GSK3B: variants seen among roughly 807,000 people sequenced by gnomAD.
The protein encoded by GSK3B is glycogen synthase kinase-3 beta.
GSK3B carries 15 observed loss-of-function variants against 56.4 expected under a neutral mutation model. The ratio of observed to expected loss-of-function variants is 0.27; its 90% CI spans 0.18 to 0.41. The LOEUF (loss-of-function observed/expected upper bound fraction) is 0.41, where lower values mean the gene tolerates loss of function less well. Among genes scored for constraint, GSK3B ranks in the 10% least tolerant of loss-of-function variants. The pLI, the probability that GSK3B is intolerant of heterozygous loss-of-function variation, is 1.00. For missense variants in GSK3B, 300 were observed against 513.4 expected, an observed-to-expected ratio of 0.58 and a Z score of 4.02; for synonymous variants, 181 against 188.9, an observed-to-expected ratio of 0.96 and a Z score of 0.34.
chr3:119,976,704 A>C (rs2057410890), intron 2 of GSK3B, among the ~76,000 whole-genome samples: 2 of 151,312 alleles, frequency 1.3e-5, no homozygotes, highest in African/African-American at 4.9e-5. Context: ...TATACATCAC[A>C]TTAATTATAT....
rs1200344952 is a variant in GSK3B at position 119,826,473 on chromosome 3, T to C, written c.*315A>G. ...AGGCAGGAGTCCTGTTTTTAAAGTA[T>C]ACAACAGCAGACTTTTAATAAAAAA... On this transcript the variant is annotated 3_prime_UTR_variant, in exon 11 of 11. Transcript: ENST00000264235. The C allele has an allele frequency of 4.1e-6, 2 of 492,568 alleles. No homozygotes were observed. The highest frequency in any genetic ancestry group is 7.4e-6 in the Non-Finnish European group (2 of 270,686). 30.5% of individuals were successfully genotyped at this position (492,568 alleles called of 1,614,324 possible).
At chr3:120,017,648 A>AG (rs111356312) in intron 1 of GSK3B, among the ~76,000 whole-genome samples, 3,944 of 152,276 alleles carry the variant, frequency 0.026, 174 homozygotes, top group African/African-American at 0.089. Flanking sequence ...AACAGTAGGG[A>AG]GGGGAGGAGA....
intron 1 of GSK3B, among the ~76,000 whole-genome samples, chr3:120,077,935 AT>A (rs368829437): frequency 0.016 from 2,407 of 151,952 alleles, 62 homozygotes; most frequent in African/African-American, 0.055. Context: ...AAAAAAATAT[AT>A]TTTTTTTAAC....
chr3:120,012,051 G>C (rs1341981838), intron 1 of GSK3B, among the ~76,000 whole-genome samples: 4 of 152,156 alleles, frequency 2.6e-5, no homozygotes, highest in Admixed American at 2.6e-4. Flanking sequence ...TAGGAAGTAA[G>C]AGAATAAATC....
chr3:119,846,949 T>C (rs981243854), intron 9 of GSK3B, among the ~76,000 whole-genome samples: 5 of 152,218 alleles, frequency 3.3e-5, no homozygotes, highest in South Asian at 2.1e-4. Flanking sequence ...CAGAATATTA[T>C]GCAGCCATAA....
chr3:119,879,172 CTTTG>C (rs950834938), intron 7 of GSK3B, among the ~76,000 whole-genome samples: 3 of 152,028 alleles, frequency 2.0e-5, no homozygotes, highest in East Asian at 3.9e-4. Flanking sequence ...AGCATTTGTC[CTTTG>C]TTTATTTATA....
At chr3:119,967,390 T>A (rs78812449) in intron 2 of GSK3B, among the ~76,000 whole-genome samples, 16,044 of 151,862 alleles carry the variant, frequency 0.11, 945 homozygotes, top group African/African-American at 0.17. Context: ...ATCTTTTTTT[T>A]AAAAAAAAGA....
intron 3 of GSK3B, among the ~76,000 whole-genome samples, chr3:119,945,434 C>A (rs1260962290): frequency 6.6e-6 from 1 of 151,930 alleles, no homozygotes. Context: ...TCTGTAAGAA[C>A]CTTTAAGATA....
At chr3:119,919,593 A>C (rs1411655467) in intron 4 of GSK3B, among the ~76,000 whole-genome samples, 1 of 151,988 alleles carries the variant, frequency 6.6e-6, no homozygotes, top group African/African-American at 2.4e-5. Flanking sequence ...AAGGAGTGCT[A>C]GATTTCTCTC....
At chr3:119,945,621 G>A (rs750245100) in intron 3 of GSK3B, among the ~76,000 whole-genome samples, 1 of 152,106 alleles carries the variant, frequency 6.6e-6, no homozygotes, top group African/African-American at 2.4e-5. Flanking sequence ...GCATTCAAAC[G>A]GTTTGATAGT....
intron 2 of GSK3B, among the ~76,000 whole-genome samples, chr3:119,950,712 G>A (rs1304342766): frequency 6.6e-6 from 1 of 152,176 alleles, no homozygotes; most frequent in Non-Finnish European, 1.5e-5. Context: ...GTACACTGAA[G>A]AAAACAATCA....
At chr3:119,850,052 T>C (rs1228011467) in intron 9 of GSK3B, among the ~76,000 whole-genome samples, 3 of 49,306 alleles carry the variant, frequency 6.1e-5, no homozygotes, top group Non-Finnish European at 1.9e-4. Flanking sequence ...AATCTATAGA[T>C]GTATGTATGT....
chr3:119,877,619 C>T (rs956378780), intron 7 of GSK3B, among the ~76,000 whole-genome samples: 1 of 152,094 alleles, frequency 6.6e-6, no homozygotes, highest in Admixed American at 6.6e-5. Context: ...TTCATTCAGT[C>T]GTTGAATAGT....
At chr3:119,904,763 T>C (rs1187782660) in intron 7 of GSK3B, among the ~76,000 whole-genome samples, 1 of 152,146 alleles carries the variant, frequency 6.6e-6, no homozygotes, top group Non-Finnish European at 1.5e-5. Flanking sequence ...AGAAAACCAT[T>C]TGTTAGGAAT....
intron 2 of GSK3B, among the ~76,000 whole-genome samples, chr3:119,982,013 A>G (rs1036217164): frequency 6.6e-6 from 1 of 152,186 alleles, no homozygotes; most frequent in African/African-American, 2.4e-5. Context: ...TCAGGCAGCA[A>G]TATTTGCTGT....
chr3:119,967,841 TC>T (rs1221385989), intron 2 of GSK3B, among the ~76,000 whole-genome samples: 5 of 81,492 alleles, frequency 6.1e-5, no homozygotes, highest in African/African-American at 4.5e-4. Flanking sequence ...TCTTTCTCTC[TC>T]TCTCTCTCTC....
At chr3:119,931,053 C>A (rs73175863) in intron 3 of GSK3B, among the ~76,000 whole-genome samples, 13,915 of 152,268 alleles carry the variant, frequency 0.091, 782 homozygotes, top group Non-Finnish European at 0.12. Context: ...CAGGGAATAA[C>A]CCCGAGGGGA....
intron 1 of GSK3B, among the ~76,000 whole-genome samples, chr3:120,050,921 G>C (rs575946816): frequency 6.6e-6 from 1 of 152,090 alleles, no homozygotes; most frequent in African/African-American, 2.4e-5. Flanking sequence ...ACACTTAAAC[G>C]GGGTAGGTGG....
intron 2 of GSK3B, among the ~76,000 whole-genome samples, chr3:119,970,038 G>C (rs1248581080): frequency 6.6e-6 from 1 of 152,186 alleles, no homozygotes; most frequent in Non-Finnish European, 1.5e-5. Context: ...AGGGGTTCCA[G>C]TAACCCTTGT....
Sources: gnomAD v4.1 joint callset for allele counts (sites outside exome capture counted in the v4.1 genomes callset) on GRCh38, gnomAD v4.1.1 for gene constraint, MANE v1.5 for transcripts, NCBI Gene and HGNC (gene_info 2026-07-23, HGNC 2026-07-21) for gene names.